Variants in ERV3-1 observed in about 807,000 individuals in gnomAD.
The protein encoded by ERV3-1 is endogenous retrovirus group 3 member 1, envelope.
Under a neutral mutation model 24.6 loss-of-function variants are expected in ERV3-1, and 36 were observed. The observed-to-expected ratio is 1.47, with a 90% CI of 1.12 to 1.94. The LOEUF is 1.94. ERV3-1 is among the 30% of genes most tolerant of loss of function. ERV3-1 has a pLI of 0.00. For missense variants in ERV3-1, 578 were observed against 330.9 expected (o/e 1.75, Z -5.79); for synonymous variants, 211 against 122.6 (o/e 1.72, Z -4.76).
chr7:65,005,378 G>A (rs1042421441), intron 1 of ERV3-1, among the ~76,000 whole-genome samples: 1 of 152,196 alleles, frequency 6.6e-6, no homozygotes, highest in Non-Finnish European at 1.5e-5. Context: ...GTGGCTAGAG[G>A]CAATAAAAGG....
rs201864378 is a variant in ERV3-1 at position 64,997,365 on chromosome 7, C to T, written c.-388-3951G>A. ...TGTCTCCCTGGGCCTGTCCTACAAA[C>T]TCTGCGTTCACCATGCACTGGTTCT... is the stretch of plus-strand genomic sequence containing the variant. On this transcript the variant is annotated intron_variant, in intron 1 of 1. Coordinates refer to ENST00000394323, the MANE Select transcript of ERV3-1 (RefSeq NM_001007253.4). 9.2e-5 allele frequency among the ~76,000 whole-genome samples: 14 copies of T among 152,306 alleles called. No homozygotes were observed. In the East Asian group the frequency reaches 1.5e-3, roughly 17 times the overall value.
In ERV3-1 at chr7:64,991,607, T is replaced by G. The variant is rs1195155754; in HGVS notation, c.1420A>C (p.Thr474Pro). ...ETKRKSKRGI[T>P]IGDWKDNEWP... is the part of the protein sequence containing the mutation. ...TCATTGTCCTTCCAATCTCCTATAG[T>G]TATGCCTCTTTTGCTTTTCCTTTTA... Residue 474 changes from threonine to proline, a missense_variant, in exon 2 of 2, where the codon ACT becomes CCT. Thr to Pro is a conservative substitution (Grantham distance 38). Transcript: ENST00000394323. 1 of 704,086 alleles carries G rather than the reference T, an allele frequency of 1.4e-6. No homozygotes were observed. Among genetic ancestry groups the G allele is most frequent in the African/African-American group, 1.7e-5 (1 of 57,256 alleles). The allele number at this position is 704,086 out of a possible 1,614,324, so 43.6% of individuals were successfully genotyped here.
intron 1 of ERV3-1, among the ~76,000 whole-genome samples, chr7:64,993,644 G>A (rs2091224): frequency 0.38 from 57,675 of 151,930 alleles, 11,193 homozygotes; most frequent in Middle Eastern, 0.43. Context: ...CTAGTTCACG[G>A]AGATTACCCT....
intron 1 of ERV3-1, chr7:65,003,856 A>G (rs1338457207): frequency 1.3e-5 from 2 of 152,224 alleles, no homozygotes; most frequent in Non-Finnish European, 2.9e-5. Context: ...GAACAGAGGT[A>G]TTCCCTGTAA....
Position 64,992,092 on chromosome 7 carries a change from A to G in ERV3-1, c.935T>C (p.Met312Thr), listed in dbSNP as rs1399472027. 3 of 766,266 alleles carry G rather than the reference A, an allele frequency of 3.9e-6. No individual in the cohort carries two copies. The highest frequency in any genetic ancestry group is 3.4e-5 in the African/African-American group (2 of 59,116). 47.5% of individuals were successfully genotyped at this position (766,266 alleles called of 1,614,324 possible). A position where few individuals can be genotyped will look rare whatever the true frequency, so the allele number is the denominator to read the frequency against. ...DQWPWEAREL[M>T]PQDNFTLTAS... is the part of the protein sequence containing the mutation. ...GGTTAGTGTGAAATTATCTTGGGGC[A>G]TTAGTTCCCTTGCTTCCCATGGCCA... Residue 312 changes from methionine to threonine, a missense_variant, in exon 2 of 2, where the codon ATG becomes ACG. Coordinates refer to ENST00000394323, the MANE Select transcript of ERV3-1 (RefSeq NM_001007253.4).
intron 1 of ERV3-1, among the ~76,000 whole-genome samples, chr7:64,996,619 G>A (rs910149049): frequency 1.3e-5 from 2 of 152,160 alleles, no homozygotes; most frequent in African/African-American, 4.8e-5. Flanking sequence ...GCAATTTTTG[G>A]AGTAGGTCTC....
chr7:64,991,233 TG>T lies in ERV3-1; in HGVS notation c.1793del (p.Pro598GlnfsTer27), dbSNP rs1413139548. ...GAGACTATCCTTTCCAAGTCTGAAC[TG>T]GGATGTGAGCTAACTTTTGGATTTT... is the stretch of plus-strand genomic sequence containing the variant. ...TAKIQKLAHI[P>X]VQTWKG On this transcript the variant is annotated frameshift_variant, in exon 2 of 2. Coordinates refer to ENST00000394323, the MANE Select transcript of ERV3-1 (RefSeq NM_001007253.4). LOFTEE classifies it high-confidence loss of function. 5.3e-6 allele frequency: 4 copies of T among 754,626 alleles called. No homozygotes were observed. The highest frequency in any genetic ancestry group is 5.1e-5 in the African/African-American group (3 of 59,008). The allele number at this position is 754,626 out of a possible 1,614,324, so 46.7% of individuals were successfully genotyped here.
In ERV3-1 at chr7:64,991,965, TG is replaced by T. The variant is rs748726734; in HGVS notation, c.1061del (p.Thr354LysfsTer4). 2 of 766,446 alleles carry T rather than the reference TG, an allele frequency of 2.6e-6. No homozygotes were observed. Among genetic ancestry groups the T allele is most frequent in the Non-Finnish European group, 4.8e-6 (2 of 417,902 alleles). 47.5% of individuals were successfully genotyped at this position (766,446 alleles called of 1,614,324 possible). Reference sequence around the variant, plus strand: ...GGCAAGTTAACTCTCCTACTGGGTCTGTAAAGGCCTTTCCCCAGCGAGCAAT... The same window carrying T: ...GGCAAGTTAACTCTCCTACTGGGTCTTAAAGGCCTTTCCCCAGCGAGCAAT... Reference protein sequence around the residue: ...FCIARWGKAFTDPVGELTCLG... With the variant: ...FCIARWGKAFXDPVGELTCLG... On this transcript the variant is annotated frameshift_variant, in exon 2 of 2. Transcript: ENST00000394323. LOFTEE classifies it high-confidence loss of function.
intron 1 of ERV3-1, among the ~76,000 whole-genome samples, chr7:65,005,458 A>C (rs895421175): frequency 4.6e-5 from 7 of 152,216 alleles, no homozygotes; most frequent in African/African-American, 1.7e-4. Flanking sequence ...CTCTTGGGAA[A>C]TCTTTACAAA....
intron 1 of ERV3-1, among the ~76,000 whole-genome samples, chr7:65,002,555 C>T (rs772044804): frequency 3.9e-4 from 60 of 152,156 alleles, no homozygotes; most frequent in Middle Eastern, 3.4e-3. Context: ...CTCGAACTCC[C>T]GACCTCAAGT....
At position 64,991,590 on chromosome 7, in the gene ERV3-1, C is replaced by T; in HGVS notation, c.1437G>A (p.Lys479=). The part of the protein sequence containing the change: ...SKRGITIGDW[K]DNEWPPERII... ...TTCTTTCAGGAGGCCATTCATTGTC[C>T]TTCCAATCTCCTATAGTTATGCCTC... is the stretch of plus-strand genomic sequence containing the variant. The change falls in exon 2 of 2, where the codon AAG becomes AAA. Residue 479 remains lysine (K), a synonymous_variant. Coordinates refer to ENST00000394323, the MANE Select transcript of ERV3-1 (RefSeq NM_001007253.4). The T allele has an allele frequency of 1.4e-6, 1 of 704,114 alleles. No individual in the cohort carries two copies. The highest frequency in any genetic ancestry group is 2.6e-6 in the Non-Finnish European group (1 of 384,992). 43.6% of individuals were successfully genotyped at this position (704,114 alleles called of 1,614,324 possible).
chr7:64,993,081 T>C lies in ERV3-1; in HGVS notation c.-55A>G. 1.5e-6 allele frequency: 1 copy of C among 651,276 alleles called. No individual in the cohort carries two copies. Among genetic ancestry groups the C allele is most frequent in the Non-Finnish European group, 2.8e-6 (1 of 362,926 alleles). The allele number at this position is 651,276 out of a possible 1,614,324, so 40.3% of individuals were successfully genotyped here. The stretch of plus-strand genomic sequence containing the variant: ...AAGGCTAAGCAAAGTGACAGCTTAA[T>C]AGCAAAGTAATTAATATGACAAGGA... On this transcript the variant is annotated 5_prime_UTR_variant, in exon 2 of 2. Coordinates refer to ENST00000394323, the MANE Select transcript of ERV3-1 (RefSeq NM_001007253.4).
chr7:64,992,643 G>A lies in ERV3-1; in HGVS notation c.384C>T (p.Ser128=). 1.3e-6 allele frequency: 1 copy of A among 766,090 alleles called. No individual in the cohort carries two copies. Among genetic ancestry groups the A allele is most frequent in the Non-Finnish European group, 2.4e-6 (1 of 417,812 alleles). 47.5% of individuals were successfully genotyped at this position (766,090 alleles called of 1,614,324 possible). ...SLYFDVCQIV[S]MGSLFPVIFS... ...AGATTACGGGAAAGAGTGAGCCCATGGATACTATCTGGCAAACATCAAAGT... is the reference window on the plus strand; with the variant it reads ...AGATTACGGGAAAGAGTGAGCCCATAGATACTATCTGGCAAACATCAAAGT... The change falls in exon 2 of 2, where the codon TCC becomes TCT. Residue 128 remains serine, a synonymous_variant. Transcript: ENST00000394323.
intron 1 of ERV3-1, among the ~76,000 whole-genome samples, chr7:64,999,361 G>A (rs1395449925): frequency 6.6e-6 from 1 of 152,228 alleles, no homozygotes; most frequent in African/African-American, 2.4e-5. Context: ...GGAATCAGGA[G>A]GCTGGAGAGA....
chr7:64,996,076 C>T (rs376881108), intron 1 of ERV3-1, among the ~76,000 whole-genome samples: 2 of 152,204 alleles, frequency 1.3e-5, no homozygotes, highest in East Asian at 3.8e-4. Flanking sequence ...AACCAGGTGG[C>T]ACTTGCTAGA....
At position 64,991,980 on chromosome 7, in the gene ERV3-1, C is replaced by T. The variant is rs778522138; in HGVS notation, c.1047G>A (p.Trp349Ter). 2 of 766,252 alleles carry T rather than the reference C, an allele frequency of 2.6e-6. No individual in the cohort carries two copies. The highest frequency in any genetic ancestry group is 3.4e-5 in the Admixed American group (2 of 59,006). 47.5% of individuals were successfully genotyped at this position (766,252 alleles called of 1,614,324 possible). A position where few individuals can be genotyped will look rare whatever the true frequency, so the allele number is the denominator to read the frequency against. The change falls in exon 2 of 2, where the codon TGG becomes TGA. Residue 349 changes from tryptophan to a stop codon, truncating the protein, a stop_gained. Transcript: ENST00000394323. LOFTEE classifies it high-confidence loss of function. ...SIIGKFCIAR[W>*]GKAFTDPVGE... Reference sequence around the variant, plus strand: ...CTACTGGGTCTGTAAAGGCCTTTCCCCAGCGAGCAATACAGAATTTTCCAA... The same window carrying T: ...CTACTGGGTCTGTAAAGGCCTTTCCTCAGCGAGCAATACAGAATTTTCCAA...
In ERV3-1 at chr7:64,992,684, C is replaced by T; in HGVS notation, c.343G>A (p.Asp115Asn). ...ACATCAAAGTATAAGGATACGACAT[C>T]CTTGCCAGAGGGAAATACCTTGGTT... ...NQTKVFPSGKDVVSLYFDVCQ... is the reference protein window; with the variant it reads ...NQTKVFPSGKNVVSLYFDVCQ... The change falls in exon 2 of 2, where the codon GAT (aspartate) becomes AAT (asparagine). Residue 115 changes from aspartate to asparagine, a missense_variant. Asp to Asn is a conservative substitution (Grantham distance 23). Coordinates refer to ENST00000394323, the MANE Select transcript of ERV3-1 (RefSeq NM_001007253.4). The T allele has an allele frequency of 1.3e-6, 1 of 766,356 alleles. No individual in the cohort carries two copies. The highest frequency in any genetic ancestry group is 2.4e-6 in the Non-Finnish European group (1 of 417,894). 47.5% of individuals were successfully genotyped at this position (766,356 alleles called of 1,614,324 possible).
intron 1 of ERV3-1, among the ~76,000 whole-genome samples, chr7:64,997,020 C>T (rs936531553): frequency 6.6e-6 from 1 of 152,242 alleles, no homozygotes; most frequent in African/African-American, 2.4e-5. Context: ...CTGTCATTTT[C>T]TTCATTGCCC....
intron 1 of ERV3-1, among the ~76,000 whole-genome samples, chr7:65,003,358 T>G (rs1253760419): frequency 6.6e-6 from 1 of 152,200 alleles, no homozygotes; most frequent in African/African-American, 2.4e-5. Flanking sequence ...GGCACCTGCC[T>G]GTAATCCCAG....
Sources: allele counts gnomAD v4.1 joint callset (sites outside exome capture counted in the v4.1 genomes callset), GRCh38; gene constraint gnomAD v4.1.1; transcripts MANE v1.5; gene names NCBI Gene and HGNC (gene_info 2026-07-23, HGNC 2026-07-21).